The following MTMR14 variants were observed in gnomAD, a reference collection of about 807,000 sequenced individuals.
MTMR14 encodes myotubularin related protein 14, also known as phosphatidylinositol-3,5-bisphosphate 3-phosphatase MTMR14.
In MTMR14, 48 loss-of-function variants were observed where a neutral mutation model predicts 86.3. The ratio of observed to expected loss-of-function variants is 0.56; its 90% CI spans 0.44 to 0.71. The LOEUF (loss-of-function observed/expected upper bound fraction) is 0.71, where lower values mean the gene tolerates loss of function less well. MTMR14 is among the 30% of genes least tolerant of loss of function. MTMR14 has a pLI of 0.00. For synonymous variants in MTMR14, 366 were observed against 326.1 expected (o/e 1.12, Z -1.32); for missense variants, 780 against 834.6 (o/e 0.93, Z 0.81).
Position 9,677,397 on chromosome 3 carries a change from A to G in MTMR14, c.822+10A>G, listed in dbSNP as rs369916785. On this transcript the variant is annotated intron_variant, in intron 8 of 18. Coordinates refer to ENST00000296003, the MANE Select transcript of MTMR14 (RefSeq NM_001077525.3). The surrounding 1 kb of genome is among the most constrained non-coding windows in gnomAD (Gnocchi z 4.2). Reference sequence around the variant, plus strand: ...ATTTAACTGGAAGCAGGTATGAGCAATAACATACATCAAATTGGATCTATG... The same window carrying G: ...ATTTAACTGGAAGCAGGTATGAGCAGTAACATACATCAAATTGGATCTATG... 65 of 1,611,076 alleles carry G rather than the reference A, an allele frequency of 4.0e-5. No homozygotes were observed. Among genetic ancestry groups the G allele is most frequent in the African/African-American group, 2.5e-4 (19 of 74,866 alleles).
At chr3:9,695,991 G>A (rs1296286892) in intron 17 of MTMR14, among the ~76,000 whole-genome samples, 3 of 152,132 alleles carry the variant, frequency 2.0e-5, no homozygotes, top group Admixed American at 1.3e-4. Context: ...CGGGCCCTAG[G>A]GGCTTCCGTC....
intron 17 of MTMR14, among the ~76,000 whole-genome samples, chr3:9,694,541 C>T (rs567827848): frequency 1.3e-5 from 2 of 151,414 alleles, no homozygotes; most frequent in Admixed American, 1.3e-4. Context: ...TTGGGATGGA[C>T]TGGGATGGAC....
intron 4 of MTMR14, 128 bp downstream of exon 4, chr3:9,668,922 G>C (rs972754991): frequency 3.2e-6 from 3 of 942,176 alleles, no homozygotes; most frequent in Non-Finnish European, 5.1e-6. Flanking sequence ...AGCGGATCCC[G>C]AGGTCAGGAG....
intron 3 of MTMR14, among the ~76,000 whole-genome samples, chr3:9,665,567 A>T (rs1250390931): frequency 6.6e-6 from 1 of 151,880 alleles, no homozygotes; most frequent in East Asian, 1.9e-4. Context: ...AGAAGTCTAA[A>T]CCCCGCTTAC....
chr3:9,678,984 G>C (rs2075671270), intron 9 of MTMR14, among the ~76,000 whole-genome samples: 1 of 152,184 alleles, frequency 6.6e-6, no homozygotes, highest in African/African-American at 2.4e-5. Flanking sequence ...CCTGTCCCCA[G>C]GTCTGGACAG....
Position 9,662,258 on chromosome 3 carries a change from G to A in MTMR14, c.309-9G>A, listed in dbSNP as rs763760509. ...TCAGCTTGACCTGCTTCTCTTGCCT[G>A]TGTGTTAGGTTTGAGAGTACCGTAC... On this transcript the variant is annotated splice_polypyrimidine_tract_variant and intron_variant, in intron 2 of 18. Transcript: ENST00000296003. 6.2e-7 allele frequency: 1 copy of A among 1,612,156 alleles called. No homozygotes were observed. The highest frequency in any genetic ancestry group is 2.2e-5 in the East Asian group (1 of 44,868).
At position 9,697,742 on chromosome 3, in the gene MTMR14, C is replaced by G. The variant is rs751818507; in HGVS notation, c.1645C>G (p.Leu549Val). 6.2e-7 allele frequency: 1 copy of G among 1,614,160 alleles called. No individual in the cohort carries two copies. The highest frequency in any genetic ancestry group is 1.1e-5 in the South Asian group (1 of 91,088). Residue 549 changes from leucine (L) to valine (V), a missense_variant, in exon 18 of 19, where the codon CTC (leucine) becomes GTC (valine). Leu to Val is a conservative substitution (Grantham distance 32). Transcript: ENST00000296003. ...SVDHPLPGSS[L>V]STDYGSWQMV... ...GGACCATCCCCTGCCCGGATCCTCT[C>G]TCTCCACAGACTATGGCAGCTGGCA...
rs779750395 is a variant in MTMR14 at position 9,684,644 on chromosome 3, T to G, written c.1024T>G (p.Ser342Ala). Residue 342 changes from serine (S) to alanine (A), a missense_variant, in exon 11 of 19, where the codon TCC (serine) becomes GCC (alanine). By Grantham distance (99) the Ser-to-Ala change is moderately conservative. Coordinates refer to ENST00000296003, the MANE Select transcript of MTMR14 (RefSeq NM_001077525.3). ...CTGGGATCGGACCCCCCTCTTCATC[T>G]CCCTCCTGCGCCTTTCCTTGTGGGC... The part of the protein sequence containing the change: ...SGWDRTPLFI[S>A]LLRLSLWADG... 1.9e-6 allele frequency: 3 copies of G among 1,614,090 alleles called. No homozygotes were observed. Among genetic ancestry groups the G allele is most frequent in the Non-Finnish European group, 2.5e-6 (3 of 1,180,020 alleles).
At chr3:9,682,897 A>G (rs2075813120) in intron 9 of MTMR14, among the ~76,000 whole-genome samples, 1 of 151,094 alleles carries the variant, frequency 6.6e-6, no homozygotes, top group Non-Finnish European at 1.5e-5. Context: ...TGGCCTCAGC[A>G]TCCGTTTCTG....
intron 7 of MTMR14, among the ~76,000 whole-genome samples, chr3:9,674,480 G>A (rs2048743882): frequency 2.0e-5 from 3 of 152,186 alleles, no homozygotes; most frequent in Admixed American, 2.0e-4. Context: ...ATGAAATATT[G>A]TATAGTCATA....
Position 9,671,189 on chromosome 3 carries a change from T to A in MTMR14, c.677+19T>A. 6.2e-7 allele frequency: 1 copy of A among 1,614,064 alleles called. No individual in the cohort carries two copies. Among genetic ancestry groups the A allele is most frequent in the African/African-American group, 1.3e-5 (1 of 75,054 alleles). ...GCATGAAGTAAGTACAGGCGCCCACTACAAAATGAGCAGAGGCAGTGTGTA... is the reference window on the plus strand; with the variant it reads ...GCATGAAGTAAGTACAGGCGCCCACAACAAAATGAGCAGAGGCAGTGTGTA... On this transcript the variant is annotated intron_variant, in intron 6 of 18. Coordinates refer to ENST00000296003, the MANE Select transcript of MTMR14 (RefSeq NM_001077525.3).
At chr3:9,679,271 G>A (rs2075682020) in intron 9 of MTMR14, among the ~76,000 whole-genome samples, 1 of 152,328 alleles carries the variant, frequency 6.6e-6, no homozygotes, top group South Asian at 2.1e-4. Flanking sequence ...GTTTGTTATG[G>A]TCTGGAAGCC....
intron 18 of MTMR14, among the ~76,000 whole-genome samples, chr3:9,698,371 C>T (rs576776115): frequency 6.6e-6 from 1 of 152,354 alleles, no homozygotes; most frequent in African/African-American, 2.4e-5. Context: ...GATCCCACAC[C>T]TACAAAACCC....
intron 17 of MTMR14, 85 bp from the exon 18 acceptor site, chr3:9,697,626 G>A: frequency 6.7e-7 from 1 of 1,495,536 alleles, no homozygotes; most frequent in South Asian, 1.2e-5. Flanking sequence ...AGCCAGGGCT[G>A]CGCTAGTCCC....
chr3:9,674,380 G>A (rs1002749581), intron 7 of MTMR14, among the ~76,000 whole-genome samples: 6 of 152,256 alleles, frequency 3.9e-5, no homozygotes, highest in South Asian at 2.1e-4. Context: ...TGTTGAGGAC[G>A]TTCATCATGA....
At chr3:9,694,036 G>T (rs753351736) in intron 17 of MTMR14, among the ~76,000 whole-genome samples, 2 of 152,114 alleles carry the variant, frequency 1.3e-5, no homozygotes, top group African/African-American at 2.4e-5. Flanking sequence ...AGGATGACAC[G>T]CTGCTTCCTT....
At chr3:9,665,969 CG>C (rs2125084265) in intron 3 of MTMR14, among the ~76,000 whole-genome samples, 1 of 151,486 alleles carries the variant, frequency 6.6e-6, no homozygotes, top group African/African-American at 2.4e-5. Flanking sequence ...CCTCGTGATC[CG>C]CCCGTCTCGG....
chr3:9,690,228 C>T lies in MTMR14; in HGVS notation c.1613+85C>T. 2.1e-6 allele frequency: 3 copies of T among 1,461,876 alleles called. No homozygotes were observed. In the Admixed American group the frequency reaches 5.5e-5, roughly 27 times the overall value. 90.6% of individuals were successfully genotyped at this position (1,461,876 alleles called of 1,614,324 possible). A position where few individuals can be genotyped will look rare whatever the true frequency, so the allele number is the denominator to read the frequency against. ...GGAGGGTCGGGGGCCAGCACCTGAG[C>T]TAGGGTCTCAAGATGGGGTTCCTAA... On this transcript the variant is annotated intron_variant, in intron 17 of 18. Coordinates refer to ENST00000296003, the MANE Select transcript of MTMR14 (RefSeq NM_001077525.3).
At chr3:9,697,984 C>A in intron 18 of MTMR14, 118 bp downstream of exon 18, 1 of 1,395,756 alleles carries the variant, frequency 7.2e-7, no homozygotes, top group Non-Finnish European at 1.0e-6. Flanking sequence ...GGCCTCCTGC[C>A]CTCCCCTCTC....
Sources: gnomAD v4.1 joint callset for allele counts (sites outside exome capture counted in the v4.1 genomes callset) on GRCh38, gnomAD v4.1.1 for gene constraint, Gnocchi (gnomAD v3.1) non-coding constraint, MANE v1.5 for transcripts, NCBI Gene and HGNC (gene_info 2026-07-23, HGNC 2026-07-21) for gene names.